Variants in SBF2 observed in about 807,000 individuals in gnomAD.
The protein encoded by SBF2 is SET binding factor 2, also known as myotubularin-related protein 13.
A neutral mutation model predicts 225.2 loss-of-function variants in SBF2; 112 were observed. That is an observed-to-expected ratio of 0.50 (90% CI 0.43 to 0.58). The LOEUF (loss-of-function observed/expected upper bound fraction) is 0.58. Among genes scored for constraint, SBF2 ranks in the 20% least tolerant of loss-of-function variants. The pLI is 0.00. For synonymous variants in SBF2, 763 were observed against 773.3 expected, an observed-to-expected ratio of 0.99 and a Z score of 0.22; for missense variants, 1,996 against 2,206.2, an observed-to-expected ratio of 0.90 and a Z score of 1.91.
At chr11:10,189,674 A>C (rs73415071) in intron 2 of SBF2, among the ~76,000 whole-genome samples, 1,623 of 152,348 alleles carry the variant, frequency 0.011, 34 homozygotes, top group African/African-American at 0.037. Context: ...TAAAGTTAGA[A>C]ATTCTAACTG....
chr11:9,984,377 A>G (rs768848835), intron 13 of SBF2, among the ~76,000 whole-genome samples: 3 of 152,142 alleles, frequency 2.0e-5, no homozygotes, highest in Non-Finnish European at 2.9e-5. Context: ...TCCAACAAAG[A>G]CAAAGAAAAA....
At chr11:9,900,110 G>A (rs1315856814) in intron 16 of SBF2, among the ~76,000 whole-genome samples, 1 of 150,364 alleles carries the variant, frequency 6.7e-6, no homozygotes, top group Non-Finnish European at 1.5e-5. Flanking sequence ...TCGGTATACA[G>A]CATTTGTAAA....
At chr11:10,154,908 G>T (rs572747434) in intron 2 of SBF2, among the ~76,000 whole-genome samples, 1 of 152,230 alleles carries the variant, frequency 6.6e-6, no homozygotes, top group Admixed American at 6.5e-5. Context: ...ATACAATGTA[G>T]TCTATTTTGA....
At chr11:10,264,738 C>T (rs949025536) in intron 1 of SBF2, among the ~76,000 whole-genome samples, 12 of 151,830 alleles carry the variant, frequency 7.9e-5, no homozygotes, top group Non-Finnish European at 1.6e-4. Flanking sequence ...TCCCCTAGCC[C>T]CCCACCCCCC....
At chr11:10,193,521 A>C (rs1957260160) in intron 2 of SBF2, among the ~76,000 whole-genome samples, 1 of 151,762 alleles carries the variant, frequency 6.6e-6, no homozygotes, top group Non-Finnish European at 1.5e-5. Context: ...CGCCCGGCTA[A>C]TTTTTGTATT....
At chr11:9,936,649 T>C (rs932626802) in intron 16 of SBF2, among the ~76,000 whole-genome samples, 11 of 152,328 alleles carry the variant, frequency 7.2e-5, no homozygotes, top group Admixed American at 2.0e-4. Flanking sequence ...TCATGTCCTA[T>C]GCAGGGATAT....
At chr11:10,144,616 G>GT (rs1954805223) in intron 2 of SBF2, among the ~76,000 whole-genome samples, 1 of 152,218 alleles carries the variant, frequency 6.6e-6, no homozygotes, top group Admixed American at 6.5e-5. Flanking sequence ...TTTGAGAAAT[G>GT]TTTGCTGAGT....
chr11:9,788,299 G>A (rs1852505402), intron 35 of SBF2, among the ~76,000 whole-genome samples: 1 of 152,202 alleles, frequency 6.6e-6, no homozygotes, highest in South Asian at 2.1e-4. Context: ...AGCCAGATGG[G>A]GAAGACTCTT....
chr11:9,792,148 T>G (rs1360603141), intron 33 of SBF2, among the ~76,000 whole-genome samples: 1 of 152,156 alleles, frequency 6.6e-6, no homozygotes, highest in Non-Finnish European at 1.5e-5. Flanking sequence ...AAATTATGAC[T>G]CAGCGTGGTG....
At chr11:10,044,925 A>C (rs1025157976) in intron 2 of SBF2, among the ~76,000 whole-genome samples, 4 of 152,036 alleles carry the variant, frequency 2.6e-5, no homozygotes, top group African/African-American at 9.7e-5. Flanking sequence ...TGCTGGTTTC[A>C]CTTTGCAGCA....
chr11:10,197,547 C>T (rs1957423332), intron 1 of SBF2, among the ~76,000 whole-genome samples: 1 of 152,174 alleles, frequency 6.6e-6, no homozygotes, highest in African/African-American at 2.4e-5. Flanking sequence ...TGTCTTGCTT[C>T]GATGCTGATG....
intron 35 of SBF2, 77 bp from the exon 36 acceptor site, chr11:9,787,815 A>C: frequency 8.0e-7 from 1 of 1,247,688 alleles, no homozygotes; most frequent in Non-Finnish European, 1.2e-6. Flanking sequence ...CTGCTTCTGT[A>C]CTAGGCCCAG....
At chr11:10,058,500 A>C (rs1950328033) in intron 2 of SBF2, among the ~76,000 whole-genome samples, 1 of 152,228 alleles carries the variant, frequency 6.6e-6, no homozygotes, top group South Asian at 2.1e-4. Flanking sequence ...CAAAACTTTC[A>C]AGAAGTATGA....
chr11:10,101,230 G>A (rs10128601), intron 2 of SBF2, among the ~76,000 whole-genome samples: 70,059 of 151,926 alleles, frequency 0.46, 16,552 homozygotes, highest in Admixed American at 0.56. Flanking sequence ...ACTACCCAAT[G>A]AATTACCATT....
At chr11:10,229,432 C>A (rs1185542136) in intron 1 of SBF2, among the ~76,000 whole-genome samples, 1 of 152,120 alleles carries the variant, frequency 6.6e-6, no homozygotes, top group East Asian at 1.9e-4. Flanking sequence ...ATCTTTCCTC[C>A]TTTCTCTTAT....
intron 6 of SBF2, among the ~76,000 whole-genome samples, chr11:10,010,678 T>G (rs577448749): frequency 1.3e-5 from 2 of 152,332 alleles, no homozygotes; most frequent in East Asian, 3.9e-4. Flanking sequence ...GCATGATGTC[T>G]CCAGCTTTGT....
At chr11:10,100,416 G>A (rs1178983378) in intron 2 of SBF2, among the ~76,000 whole-genome samples, 2 of 152,184 alleles carry the variant, frequency 1.3e-5, no homozygotes, top group African/African-American at 2.4e-5. Context: ...CAGCCCAAGC[G>A]GCCACAGTTG....
At chr11:10,096,910 T>C (rs770437193) in intron 2 of SBF2, among the ~76,000 whole-genome samples, 1 of 152,156 alleles carries the variant, frequency 6.6e-6, no homozygotes, top group Non-Finnish European at 1.5e-5. Context: ...AAGAGAAAAT[T>C]GGACATGTAT....
In SBF2 at chr11:9,959,443, A is replaced by G. The variant is rs1866413740; in HGVS notation, c.1860+2514T>C. The G allele has an allele frequency of 7.6e-6, 8 of 1,049,776 alleles. No individual in the cohort carries two copies. In the Admixed American group the frequency reaches 1.0e-4, roughly 13 times the overall value. 65.0% of individuals were successfully genotyped at this position (1,049,776 alleles called of 1,614,324 possible). On this transcript the variant is annotated intron_variant, in intron 16 of 39. Transcript: ENST00000256190. The stretch of plus-strand genomic sequence containing the variant: ...AAACCAGGGGTGCTGGTTGCTCACC[A>G]TGTCCCTTATCCGTTTACAGGTGTG...
Sources: gnomAD v4.1 joint callset for allele counts (sites outside exome capture counted in the v4.1 genomes callset) on GRCh38, gnomAD v4.1.1 for gene constraint, MANE v1.5 for transcripts, NCBI Gene and HGNC (gene_info 2026-07-23, HGNC 2026-07-21) for gene names.